Variants in FNIP1 observed in about 807,000 individuals in gnomAD.
The protein encoded by FNIP1 is folliculin interacting protein 1, also known as folliculin-interacting protein 1.
FNIP1 carries 40 observed loss-of-function variants against 124.5 expected under a neutral mutation model. The observed-to-expected ratio is 0.32, with a 90% CI of 0.25 to 0.42. FNIP1 has a LOEUF of 0.42. Among genes scored for constraint, FNIP1 ranks in the 10% least tolerant of loss-of-function variants. The pLI, the probability that FNIP1 is intolerant of heterozygous loss-of-function variation, is 1.00. For synonymous variants in FNIP1, 472 were observed against 470.6 expected, an observed-to-expected ratio of 1.00 and a Z score of -0.04; for missense variants, 1,176 against 1,403.7, an observed-to-expected ratio of 0.84 and a Z score of 2.59.
Position 131,716,557 on chromosome 5 carries a change from C to T in FNIP1, c.622+8G>A, listed in dbSNP as rs546338713. On this transcript the variant is annotated splice_region_variant and intron_variant, in intron 6 of 17. Transcript: ENST00000510461. ...TTTTAAACTTATAAAATCAAAGGAA[C>T]CATTTACCTATATTTCCAAGCAGTC... is the stretch of plus-strand genomic sequence containing the variant. The T allele has an allele frequency of 4.5e-6, 7 of 1,559,202 alleles. No individual in the cohort carries two copies. Among genetic ancestry groups the T allele is most frequent in the Non-Finnish European group, 6.1e-6 (7 of 1,143,334 alleles).
intron 2 of FNIP1, among the ~76,000 whole-genome samples, chr5:131,743,203 T>A (rs940564829): frequency 6.6e-6 from 1 of 151,910 alleles, no homozygotes; most frequent in Non-Finnish European, 1.5e-5. Flanking sequence ...GGAGATAGTA[T>A]ATAGGATAAA....
At chr5:131,713,643 C>G (rs1414914585) in intron 6 of FNIP1, among the ~76,000 whole-genome samples, 1 of 152,180 alleles carries the variant, frequency 6.6e-6, no homozygotes, top group African/African-American at 2.4e-5. Flanking sequence ...CTGAACATGC[C>G]TAAACCTAAA....
intron 9 of FNIP1, 106 bp from the exon 10 acceptor site, chr5:131,704,372 TCAAA>T: frequency 4.5e-6 from 4 of 886,166 alleles, no homozygotes; most frequent in Non-Finnish European, 5.1e-6. Context: ...TGCTGTTTTA[TCAAA>T]CAAACCTATA....
intron 1 of FNIP1, among the ~76,000 whole-genome samples, chr5:131,791,450 G>GA (rs991632710): frequency 6.6e-6 from 1 of 151,876 alleles, no homozygotes. Context: ...TAATTTTATT[G>GA]AAAAAAAGGG....
Position 131,651,985 on chromosome 5 carries a change from A to G in FNIP1, c.3123T>C (p.Asp1041=). 6.2e-7 allele frequency: 1 copy of G among 1,612,680 alleles called. No individual in the cohort carries two copies. Residue 1041 remains aspartate, a synonymous_variant, in exon 16 of 18, where the codon GAT becomes GAC. Transcript: ENST00000510461. The part of the protein sequence containing the change: ...LSHAVQHPVL[D]EPIAEAVCII... ...TACAGACAGCTTCTGCTATTGGTTCATCCAAAACTGGATGCTGGAAATAAA... is the reference window on the plus strand; with the variant it reads ...TACAGACAGCTTCTGCTATTGGTTCGTCCAAAACTGGATGCTGGAAATAAA...
At chr5:131,651,261 C>A (rs1490436156) in intron 16 of FNIP1, among the ~76,000 whole-genome samples, 1 of 152,120 alleles carries the variant, frequency 6.6e-6, no homozygotes, top group Non-Finnish European at 1.5e-5. Context: ...GGTGTGGTAG[C>A]ACGTGCCTGT....
intron 11 of FNIP1, among the ~76,000 whole-genome samples, chr5:131,679,599 C>T (rs1768012218): frequency 6.6e-6 from 1 of 152,158 alleles, no homozygotes; most frequent in Non-Finnish European, 1.5e-5. Flanking sequence ...TATCCATCTA[C>T]CCACTCAAAA....
chr5:131,719,548 T>G, intron 3 of FNIP1, 131 bp from the exon 4 acceptor site: 1 of 703,842 alleles, frequency 1.4e-6, no homozygotes, highest in Non-Finnish European at 2.2e-6. Context: ...CTGTATACGC[T>G]GTTCTGCAAC....
At chr5:131,737,461 A>G (rs1306494723) in intron 2 of FNIP1, among the ~76,000 whole-genome samples, 1 of 152,202 alleles carries the variant, frequency 6.6e-6, no homozygotes, top group African/African-American at 2.4e-5. Context: ...GGGTTACCTC[A>G]GCCTGGAATG....
intron 1 of FNIP1, among the ~76,000 whole-genome samples, chr5:131,752,786 G>A (rs1355572993): frequency 1.3e-5 from 2 of 152,140 alleles, no homozygotes; most frequent in East Asian, 1.9e-4. Flanking sequence ...ACATGGCCAC[G>A]GCCGGGCGCG....
At position 131,644,548 on chromosome 5, in the gene FNIP1, C is replaced by T. The variant is rs1766812219; in HGVS notation, c.*137G>A. The stretch of plus-strand genomic sequence containing the variant: ...TCTGACATACACAGAATATACAATG[C>T]TATGCAGAATACCCTGGTGACTGAC... On this transcript the variant is annotated 3_prime_UTR_variant, in exon 18 of 18. Transcript: ENST00000510461. The T allele has an allele frequency of 1.5e-6, 1 of 679,694 alleles. No individual in the cohort carries two copies. The highest frequency in any genetic ancestry group is 1.8e-5 in the African/African-American group (1 of 55,816). The allele number at this position is 679,694 out of a possible 1,614,324, so 42.1% of individuals were successfully genotyped here.
intron 1 of FNIP1, among the ~76,000 whole-genome samples, chr5:131,773,865 T>C (rs561640382): frequency 6.6e-6 from 1 of 152,280 alleles, no homozygotes; most frequent in East Asian, 1.9e-4. Context: ...GCAGGAAAAA[T>C]GATTAAGAAT....
chr5:131,765,982 A>G (rs1236295806), intron 1 of FNIP1, among the ~76,000 whole-genome samples: 1 of 152,174 alleles, frequency 6.6e-6, no homozygotes. Context: ...CTTGCATACT[A>G]TTGAGGATGC....
Position 131,672,466 on chromosome 5 carries a change from C to T in FNIP1, c.1978G>A (p.Ala660Thr). The T allele has an allele frequency of 6.2e-7, 1 of 1,613,546 alleles. No individual in the cohort carries two copies. Among genetic ancestry groups the T allele is most frequent in the Non-Finnish European group, 8.5e-7 (1 of 1,180,028 alleles). The stretch of plus-strand genomic sequence containing the variant: ...TCTCTGTACTGTTTAACATCAACAG[C>T]ATTTTCTTCTTGGCAGTCAGAAGGA... ...ISPSDCQEEN[A>T]VDVKQYRDKL... The change falls in exon 14 of 18, where the codon GCT becomes ACT. Residue 660 changes from alanine (A) to threonine (T), a missense_variant. Ala to Thr is a moderately conservative substitution (Grantham distance 58, BLOSUM62 0). This residue lies in a region of FNIP1 where 1,109 missense variants were observed against 1,288.5 expected (regional missense o/e 0.86). Transcript: ENST00000510461.
chr5:131,678,405 G>A (rs1767972385), intron 12 of FNIP1, among the ~76,000 whole-genome samples: 1 of 151,742 alleles, frequency 6.6e-6, no homozygotes, highest in Non-Finnish European at 1.5e-5. Flanking sequence ...TTCCTTATAT[G>A]TTTTTTTTGT....
At chr5:131,673,221 G>T (rs1285693385) in intron 13 of FNIP1, among the ~76,000 whole-genome samples, 1 of 149,366 alleles carries the variant, frequency 6.7e-6, no homozygotes, top group East Asian at 2.0e-4. Context: ...CTAATTTTTT[G>T]TATTTTTTTT....
At chr5:131,704,018 G>C (rs1261284192) in intron 10 of FNIP1, 47 bp downstream of exon 10, 1 of 1,427,204 alleles carries the variant, frequency 7.0e-7, no homozygotes, top group South Asian at 1.3e-5. Context: ...TTAATTGGGA[G>C]AATAAGATTT....
At chr5:131,752,164 C>T (rs1301234348) in intron 1 of FNIP1, among the ~76,000 whole-genome samples, 2 of 152,100 alleles carry the variant, frequency 1.3e-5, no homozygotes, top group African/African-American at 4.8e-5. Context: ...CTGCCTCAGC[C>T]TCCCGAGTAG....
intron 1 of FNIP1, among the ~76,000 whole-genome samples, chr5:131,762,156 A>G (rs1409131808): frequency 1.3e-5 from 2 of 152,182 alleles, no homozygotes; most frequent in African/African-American, 4.8e-5. Context: ...GAAACTGCTA[A>G]AAGAAAACAT....
Sources: allele counts gnomAD v4.1 joint callset (sites outside exome capture counted in the v4.1 genomes callset), GRCh38; gene constraint gnomAD v4.1.1; regional missense constraint gnomAD v4.1.1; transcripts MANE v1.5; gene names NCBI Gene and HGNC (gene_info 2026-07-23, HGNC 2026-07-21).